Variants in THSD7A observed in about 807,000 individuals in gnomAD.
THSD7A encodes the protein thrombospondin type-1 domain-containing protein 7A.
A neutral mutation model predicts 231.3 loss-of-function variants in THSD7A; 96 were observed. The ratio of observed to expected loss-of-function variants is 0.41; its 90% CI spans 0.35 to 0.49. The LOEUF is 0.49. THSD7A is among the 20% of genes least tolerant of loss of function. The pLI is 0.05. For synonymous variants in THSD7A, 940 were observed against 743.3 expected, an observed-to-expected ratio of 1.26 and a Z score of -4.30; for missense variants, 2,290 against 2,070.2, an observed-to-expected ratio of 1.11 and a Z score of -2.06.
At chr7:11,526,734 T>A (rs1339559176) in intron 6 of THSD7A, among the ~76,000 whole-genome samples, 1 of 152,174 alleles carries the variant, frequency 6.6e-6, no homozygotes. Flanking sequence ...ATGTAAGACA[T>A]GCCTTGCTTC....
chr7:11,722,761 T>A (rs1167817736), intron 1 of THSD7A, among the ~76,000 whole-genome samples: 4 of 151,888 alleles, frequency 2.6e-5, no homozygotes, highest in African/African-American at 9.7e-5. Context: ...GAAATGCAAA[T>A]CAAAACCACA....
chr7:11,757,889 T>C (rs749135022), intron 1 of THSD7A, among the ~76,000 whole-genome samples: 1 of 151,266 alleles, frequency 6.6e-6, no homozygotes, highest in African/African-American at 2.4e-5. Flanking sequence ...GACTGGAACA[T>C]AGGCTTAATT....
At chr7:11,513,784 A>T (rs1787915484) in intron 6 of THSD7A, among the ~76,000 whole-genome samples, 1 of 152,210 alleles carries the variant, frequency 6.6e-6, no homozygotes, top group African/African-American at 2.4e-5. Flanking sequence ...GGTTACTTTT[A>T]TGTTACATAA....
In THSD7A at chr7:11,824,436, A is replaced by C. The variant is rs535355117; in HGVS notation, c.190+7321T>G. On this transcript the variant is annotated intron_variant, in intron 1 of 27. Transcript: ENST00000423059. The stretch of plus-strand genomic sequence containing the variant: ...AACCTACTCAGAATCTCTTCCTCCC[A>C]CCATCAGGCCTGTCCTCTATACAGT... Among the ~76,000 whole-genome samples the C allele has an allele frequency of 3.3e-5, 5 of 152,132 alleles. No homozygotes were observed. The South Asian group carries it at 1.0e-3, about 32-fold the overall frequency.
At chr7:11,530,062 T>C (rs904555332) in intron 6 of THSD7A, among the ~76,000 whole-genome samples, 1 of 152,218 alleles carries the variant, frequency 6.6e-6, no homozygotes, top group Non-Finnish European at 1.5e-5. Flanking sequence ...AAAGTTAGCA[T>C]GTGAACCTAG....
intron 4 of THSD7A, among the ~76,000 whole-genome samples, chr7:11,557,231 C>T (rs1470558203): frequency 6.6e-6 from 1 of 151,794 alleles, no homozygotes; most frequent in Admixed American, 6.6e-5. Context: ...TTGATTCTTT[C>T]CTCTCTCCCC....
At chr7:11,460,315 C>T (rs908493792) in intron 11 of THSD7A, among the ~76,000 whole-genome samples, 3 of 151,954 alleles carry the variant, frequency 2.0e-5, no homozygotes, top group Non-Finnish European at 2.9e-5. Flanking sequence ...TTGCTTATTA[C>T]GGTGGCAAGC....
chr7:11,646,618 TG>T, intron 1 of THSD7A, among the ~76,000 whole-genome samples: 1 of 152,162 alleles, frequency 6.6e-6, no homozygotes, highest in South Asian at 2.1e-4. Context: ...CCATTACAAT[TG>T]TCCAAAAGTG....
intron 1 of THSD7A, among the ~76,000 whole-genome samples, chr7:11,796,622 C>A (rs1784134399): frequency 7.2e-6 from 1 of 139,696 alleles, no homozygotes; most frequent in Non-Finnish European, 1.5e-5. Flanking sequence ...GTAAGATTAT[C>A]TCTAAGTATT....
At chr7:11,824,778 A>G (rs896746704) in intron 1 of THSD7A, among the ~76,000 whole-genome samples, 1 of 152,158 alleles carries the variant, frequency 6.6e-6, no homozygotes, top group Non-Finnish European at 1.5e-5. Context: ...ATCACTTACC[A>G]AGTAAAAACA....
chr7:11,593,360 T>C lies in THSD7A; in HGVS notation c.1165A>G (p.Thr389Ala). The change falls in exon 3 of 28, where the codon ACA becomes GCA. Residue 389 changes from threonine (T) to alanine (A), a missense_variant. By Grantham distance (58) the Thr-to-Ala change is moderately conservative. Transcript: ENST00000423059. Reference protein sequence around the residue: ...MVSPAGTRVRTRTIRQFPIGS... With the variant: ...MVSPAGTRVRARTIRQFPIGS... ...ATGGGAAACTGCCTGATGGTTCGTGTCCTTACACGAGTGCCTGCAGGGGAC... is the reference window on the plus strand; with the variant it reads ...ATGGGAAACTGCCTGATGGTTCGTGCCCTTACACGAGTGCCTGCAGGGGAC... 1.9e-6 allele frequency: 3 copies of C among 1,614,054 alleles called. No individual in the cohort carries two copies. The highest frequency in any genetic ancestry group is 1.7e-6 in the Non-Finnish European group (2 of 1,179,904).
At chr7:11,740,346 A>C (rs1464458676) in intron 1 of THSD7A, among the ~76,000 whole-genome samples, 1 of 151,828 alleles carries the variant, frequency 6.6e-6, no homozygotes, top group Non-Finnish European at 1.5e-5. Flanking sequence ...ACCTCCCTGC[A>C]CTCCTCTATC....
intron 6 of THSD7A, among the ~76,000 whole-genome samples, chr7:11,501,748 T>C (rs542782849): frequency 1.3e-5 from 2 of 152,050 alleles, no homozygotes; most frequent in African/African-American, 2.4e-5. Flanking sequence ...AAATAAACCC[T>C]AAAGCTAGGA....
chr7:11,621,197 TG>T (rs1380630071), intron 2 of THSD7A, among the ~76,000 whole-genome samples: 2 of 152,214 alleles, frequency 1.3e-5, no homozygotes, highest in Non-Finnish European at 2.9e-5. Flanking sequence ...GCATCATTCA[TG>T]ACGATTTCAC....
intron 7 of THSD7A, among the ~76,000 whole-genome samples, chr7:11,475,089 C>T (rs1302513158): frequency 6.6e-6 from 1 of 152,034 alleles, no homozygotes; most frequent in Non-Finnish European, 1.5e-5. Context: ...ACAATATTGA[C>T]ATAGTCAATT....
intron 16 of THSD7A, among the ~76,000 whole-genome samples, chr7:11,423,543 T>C (rs1230443071): frequency 1.3e-5 from 2 of 152,010 alleles, no homozygotes; most frequent in Non-Finnish European, 2.9e-5. Context: ...TAATTTTTTG[T>C]ATTTTTTAGT....
chr7:11,521,676 C>G (rs1234773000), intron 6 of THSD7A, among the ~76,000 whole-genome samples: 1 of 123,128 alleles, frequency 8.1e-6, no homozygotes, highest in Admixed American at 7.9e-5. Context: ...GTATATCTCC[C>G]AATGCTATCC....
intron 1 of THSD7A, among the ~76,000 whole-genome samples, chr7:11,695,511 A>T (rs1275808767): frequency 6.6e-6 from 1 of 151,552 alleles, no homozygotes. Context: ...TGCTGTGAAA[A>T]GACAAAATTG....
intron 1 of THSD7A, among the ~76,000 whole-genome samples, chr7:11,651,775 A>G (rs1266620421): frequency 1.3e-5 from 2 of 151,994 alleles, no homozygotes; most frequent in Non-Finnish European, 2.9e-5. Context: ...AAAAAAGGAA[A>G]TAATAGCTCA....
Sources: gnomAD v4.1 joint callset for allele counts (sites outside exome capture counted in the v4.1 genomes callset) on GRCh38, gnomAD v4.1.1 for gene constraint, MANE v1.5 for transcripts, NCBI Gene and HGNC (gene_info 2026-07-23, HGNC 2026-07-21) for gene names.